Variants in ACACA observed in about 807,000 individuals in gnomAD.
ACACA encodes the protein acetyl-CoA carboxylase 1.
In ACACA, 103 loss-of-function variants were observed where a neutral mutation model predicts 296.1. The observed-to-expected ratio is 0.35, with a 90% CI of 0.30 to 0.41. The LOEUF (loss-of-function observed/expected upper bound fraction) is 0.41, where lower values mean the gene tolerates loss of function less well. Among genes scored for constraint, ACACA ranks in the 10% least tolerant of loss-of-function variants. ACACA has a pLI of 1.00. For synonymous variants in ACACA, 953 were observed against 1,038.6 expected, an observed-to-expected ratio of 0.92 and a Z score of 1.58; for missense variants, 1,554 against 2,989.7, an observed-to-expected ratio of 0.52 and a Z score of 11.20.
chr17:37,360,350 A>G (rs1263674434), intron 1 of ACACA: 1 of 152,202 alleles, frequency 6.6e-6, no homozygotes, highest in Non-Finnish European at 1.5e-5. Context: ...AAAAGTGAAT[A>G]GGATAGAAAT....
intron 12 of ACACA, 36 bp downstream of exon 12, chr17:37,259,324 T>G (rs1318289126): frequency 6.2e-7 from 1 of 1,613,526 alleles, no homozygotes; most frequent in Admixed American, 1.7e-5. Context: ...CTCTCTGACT[T>G]TTCTAGGCTC....
At position 37,092,130 on chromosome 17, in the gene ACACA, A is replaced by G. The variant is rs534218283; in HGVS notation, c.6892-3056T>C. 1.4e-3 allele frequency among the ~76,000 whole-genome samples: 218 copies of G among 151,874 alleles called. 1 individual carries two copies. The highest frequency in any genetic ancestry group is 2.7e-3 in the Non-Finnish European group (186 of 67,968). ...GGCAAAACCCCACCTCTACAAAAAA[A>G]TCAGCCAGGTGGGGTAGTGTATGCC... On this transcript the variant is annotated intron_variant, in intron 54 of 55. Transcript: ENST00000616317.
chr17:37,086,081 C>T lies in ACACA; in HGVS notation c.*1235G>A. On this transcript the variant is annotated 3_prime_UTR_variant, in exon 56 of 56. Coordinates refer to ENST00000616317, the MANE Select transcript of ACACA (RefSeq NM_198834.3). ...AGGGGCCAGTAAGCCTGGAGGACAG[C>T]AGCACCATGACTGAGTTGTAAATAA... The T allele has an allele frequency of 2.9e-6, 1 of 347,232 alleles. No individual in the cohort carries two copies. The highest frequency in any genetic ancestry group is 5.1e-6 in the Non-Finnish European group (1 of 194,286). 21.5% of individuals were successfully genotyped at this position (347,232 alleles called of 1,614,324 possible). A position where few individuals can be genotyped will look rare whatever the true frequency, so the allele number is the denominator to read the frequency against.
intron 44 of ACACA, 128 bp downstream of exon 44, chr17:37,151,173 A>G: frequency 3.7e-6 from 4 of 1,075,358 alleles, no homozygotes; most frequent in Non-Finnish European, 5.4e-6. Context: ...TGTGATTAAA[A>G]TATAATTATA....
intron 44 of ACACA, 76 bp from the exon 45 acceptor site, chr17:37,150,050 TA>T: frequency 2.3e-6 from 3 of 1,314,842 alleles, no homozygotes; most frequent in Non-Finnish European, 3.3e-6. Context: ...CATAGATAAG[TA>T]AAATCCAAAT....
At chr17:37,145,546 G>A (rs756020476) in intron 45 of ACACA, among the ~76,000 whole-genome samples, 8 of 152,148 alleles carry the variant, frequency 5.3e-5, no homozygotes, top group Non-Finnish European at 8.8e-5. Flanking sequence ...CTTCTCTTAG[G>A]CTTTACAGAC....
chr17:37,268,756 T>TATATATATCTATATATATATAG (rs2081931673), intron 10 of ACACA, among the ~76,000 whole-genome samples: 4 of 146,326 alleles, frequency 2.7e-5, no homozygotes, highest in Non-Finnish European at 6.0e-5. Context: ...TATATATATA[T>TATATATATCTATATATATATAG]ATATATATAT....
intron 1 of ACACA, among the ~76,000 whole-genome samples, chr17:37,353,458 C>T (rs908811398): frequency 1.3e-5 from 2 of 151,486 alleles, no homozygotes; most frequent in Non-Finnish European, 2.9e-5. Flanking sequence ...CTGACCAACA[C>T]GGTGAAGCCC....
At chr17:37,139,107 A>G (rs1308321255) in intron 45 of ACACA, among the ~76,000 whole-genome samples, 2 of 152,198 alleles carry the variant, frequency 1.3e-5, no homozygotes, top group East Asian at 3.8e-4. Context: ...ATCTGCAAAG[A>G]CAGAGCTATG....
chr17:37,143,669 C>T (rs1597958318), intron 45 of ACACA: 2 of 887,760 alleles, frequency 2.3e-6, no homozygotes, highest in Non-Finnish European at 3.6e-6. Flanking sequence ...AAAATCTGTG[C>T]TAGAACCAAC....
At chr17:37,302,813 A>G (rs1213365436) in intron 3 of ACACA, among the ~76,000 whole-genome samples, 1 of 152,212 alleles carries the variant, frequency 6.6e-6, no homozygotes, top group Non-Finnish European at 1.5e-5. Context: ...AAACTCATTT[A>G]AAAATTTTTT....
chr17:37,353,637 TAAA>T (rs1169088763), intron 1 of ACACA, among the ~76,000 whole-genome samples: 121 of 56,692 alleles, frequency 2.1e-3, no homozygotes, highest in Middle Eastern at 0.021. Context: ...AGACTCCGTC[TAAA>T]AAAAAAAAAA....
intron 42 of ACACA, 96 bp from the exon 43 acceptor site, chr17:37,155,876 A>G: frequency 2.4e-6 from 2 of 842,832 alleles, no homozygotes; most frequent in African/African-American, 1.7e-5. Context: ...TTCCACAGCT[A>G]GCTTTAAATT....
intron 54 of ACACA, among the ~76,000 whole-genome samples, chr17:37,092,356 T>C (rs1364304508): frequency 1.3e-5 from 2 of 152,060 alleles, no homozygotes; most frequent in African/African-American, 4.8e-5. Flanking sequence ...GCTAGGCTGC[T>C]AACATCATGA....
intron 45 of ACACA, among the ~76,000 whole-genome samples, chr17:37,135,652 G>C (rs2075299802): frequency 6.6e-5 from 10 of 152,232 alleles, no homozygotes; most frequent in Admixed American, 6.5e-4. Context: ...GAGGTACAGG[G>C]CTCAGTGGAG....
intron 1 of ACACA, among the ~76,000 whole-genome samples, chr17:37,396,560 T>C (rs1025759755): frequency 6.6e-6 from 1 of 152,058 alleles, no homozygotes; most frequent in Non-Finnish European, 1.5e-5. Flanking sequence ...CCTTAACCAT[T>C]ATTTCCTCAT....
intron 25 of ACACA, among the ~76,000 whole-genome samples, chr17:37,228,821 C>T (rs2079680297): frequency 6.6e-6 from 1 of 152,086 alleles, no homozygotes; most frequent in African/African-American, 2.4e-5. Flanking sequence ...AAAGTCTCAA[C>T]ATTAAAAACA....
intron 39 of ACACA, among the ~76,000 whole-genome samples, chr17:37,181,668 G>A (rs1392681639): frequency 6.6e-6 from 1 of 152,046 alleles, no homozygotes; most frequent in Non-Finnish European, 1.5e-5. Context: ...GGGAGGCCAA[G>A]GCGGGAGGAT....
intron 3 of ACACA, chr17:37,328,505 T>C (rs2047719767): frequency 6.2e-6 from 1 of 162,208 alleles, no homozygotes; most frequent in African/African-American, 2.4e-5. Flanking sequence ...ACCTGTGAAG[T>C]AAAACATAAT....
Sources: allele counts gnomAD v4.1 joint callset (sites outside exome capture counted in the v4.1 genomes callset), GRCh38; gene constraint gnomAD v4.1.1; transcripts MANE v1.5; gene names NCBI Gene and HGNC (gene_info 2026-07-23, HGNC 2026-07-21).